Variants in GNG7 observed in about 807,000 individuals in gnomAD.
GNG7 encodes G protein subunit gamma 7.
In GNG7, 1 loss-of-function variant was observed where a neutral mutation model predicts 4.0. The ratio of observed to expected loss-of-function variants is 0.25; its 90% CI spans 0.09 to 1.18. The LOEUF is 1.18. Ranked by LOEUF, GNG7 falls within the 50% of genes most tolerant of loss-of-function variation. The pLI, the probability that GNG7 is intolerant of heterozygous loss-of-function variation, is 0.50. For synonymous variants in GNG7, 34 were observed against 36.9 expected (o/e 0.92, Z 0.29); for missense variants, 86 against 91.9 (o/e 0.94, Z 0.26).
chr19:2,553,577 TCA>T (rs1402516811), intron 3 of GNG7, among the ~76,000 whole-genome samples: 1 of 149,366 alleles, frequency 6.7e-6, no homozygotes, highest in African/African-American at 2.4e-5. Context: ...ATAAATCATA[TCA>T]CATACACGCA....
At chr19:2,607,533 A>C (rs1322874323) in intron 2 of GNG7, among the ~76,000 whole-genome samples, 3 of 145,698 alleles carry the variant, frequency 2.1e-5, no homozygotes, top group Admixed American at 1.4e-4. Context: ...CCATCTCAAA[A>C]AGAAAAAAAA....
At chr19:2,569,422 C>A (rs994253968) in intron 2 of GNG7, among the ~76,000 whole-genome samples, 3 of 152,214 alleles carry the variant, frequency 2.0e-5, no homozygotes, top group African/African-American at 7.2e-5. Flanking sequence ...ACTACAGGCG[C>A]CCGCCACCAC....
At chr19:2,584,127 T>C (rs1023588446) in intron 2 of GNG7, among the ~76,000 whole-genome samples, 6 of 151,914 alleles carry the variant, frequency 3.9e-5, no homozygotes, top group African/African-American at 1.5e-4. Flanking sequence ...CAAAGAATTA[T>C]GGCAACGTAT....
At chr19:2,554,007 ATATT>A (rs1979468151) in intron 3 of GNG7, among the ~76,000 whole-genome samples, 1 of 146,938 alleles carries the variant, frequency 6.8e-6, no homozygotes, top group African/African-American at 2.5e-5. Context: ...ACATATGTAT[ATATT>A]ATATGTATAT....
At chr19:2,671,847 C>G (rs1278246275) in intron 1 of GNG7, among the ~76,000 whole-genome samples, 1 of 151,230 alleles carries the variant, frequency 6.6e-6, no homozygotes, top group South Asian at 2.1e-4. Context: ...GTCAGCAGAT[C>G]GAGACCATCC....
chr19:2,666,669 G>A (rs1983319767), intron 1 of GNG7, among the ~76,000 whole-genome samples: 1 of 152,162 alleles, frequency 6.6e-6, no homozygotes, highest in African/African-American at 2.4e-5. Context: ...GTCTAGGGCA[G>A]GATGTAAAAA....
intron 4 of GNG7, among the ~76,000 whole-genome samples, chr19:2,519,362 G>C (rs996885025): frequency 1.3e-5 from 2 of 151,310 alleles, no homozygotes; most frequent in Non-Finnish European, 2.9e-5. Flanking sequence ...CACCATGTTG[G>C]CCAGGCTGGT....
At position 2,657,400 on chromosome 19, in the gene GNG7, A is replaced by ATATATG. The variant is rs1983025541; in HGVS notation, c.-134-11121_-134-11120insCATATA. ...TATATATATATATATATATATATAT[A>ATATATG]CACATAATAACATTTATCCTAAAAA... On this transcript the variant is annotated intron_variant, in intron 1 of 4. Coordinates refer to ENST00000382159, the MANE Select transcript of GNG7 (RefSeq NM_052847.3). Among the ~76,000 whole-genome samples the ATATATG allele has an allele frequency of 9.8e-5, 9 of 91,702 alleles. 1 individual carries two copies. The highest frequency in any genetic ancestry group is 4.4e-4 in the Admixed American group (4 of 9,146). 60.2% of individuals were successfully genotyped at this position (91,702 alleles called of 152,430 possible).
intron 2 of GNG7, among the ~76,000 whole-genome samples, chr19:2,558,384 A>C (rs1979633710): frequency 6.6e-6 from 1 of 151,038 alleles, no homozygotes; most frequent in South Asian, 2.1e-4. Flanking sequence ...CTACAGCCAC[A>C]TGCCACCACA....
intron 2 of GNG7, among the ~76,000 whole-genome samples, chr19:2,597,849 T>C (rs890656739): frequency 1.3e-5 from 2 of 148,978 alleles, no homozygotes; most frequent in Admixed American, 6.7e-5. Flanking sequence ...TGAGCCGAGA[T>C]TGCGCCACTG....
At chr19:2,696,785 C>T (rs989084877) in intron 1 of GNG7, among the ~76,000 whole-genome samples, 6 of 152,134 alleles carry the variant, frequency 3.9e-5, no homozygotes, top group African/African-American at 1.2e-4. Flanking sequence ...GAGGGAGAGG[C>T]GTGGGTGCCA....
chr19:2,686,006 G>T (rs940978494), intron 1 of GNG7, among the ~76,000 whole-genome samples: 1 of 152,072 alleles, frequency 6.6e-6, no homozygotes, highest in African/African-American at 2.4e-5. Flanking sequence ...AGCCCCCACC[G>T]ATATCCTGCT....
At chr19:2,528,990 GA>G in intron 3 of GNG7, among the ~76,000 whole-genome samples, 1 of 152,208 alleles carries the variant, frequency 6.6e-6, no homozygotes, top group Non-Finnish European at 1.5e-5. Flanking sequence ...CGGAGCTCTT[GA>G]GAAATCTCAC....
At chr19:2,637,977 T>G (rs1982361468) in intron 2 of GNG7, among the ~76,000 whole-genome samples, 1 of 152,126 alleles carries the variant, frequency 6.6e-6, no homozygotes, top group Non-Finnish European at 1.5e-5. Flanking sequence ...AGGAGATGAA[T>G]CCCAGGAGCT....
rs998779905 is a variant in GNG7 at position 2,634,734 on chromosome 19, A to G, written c.-78+11490T>C. On this transcript the variant is annotated intron_variant, in intron 2 of 4. Coordinates refer to ENST00000382159, the MANE Select transcript of GNG7 (RefSeq NM_052847.3). This position sits in a 1 kb window ranked among gnomAD's most constrained non-coding sequence, Gnocchi z 5.3. ...CGCGAAAAGAACTGATAATAACGTG[A>G]ATTTCAACACGACCAGGACATGCTG... 7.2e-5 allele frequency among the ~76,000 whole-genome samples: 11 copies of G among 152,094 alleles called. No homozygotes were observed. Among genetic ancestry groups the G allele is most frequent in the African/African-American group, 2.2e-4 (9 of 41,398 alleles).
chr19:2,624,603 GCTCCAC>G (rs1981969385), intron 2 of GNG7, among the ~76,000 whole-genome samples: 1 of 152,098 alleles, frequency 6.6e-6, no homozygotes, highest in Non-Finnish European at 1.5e-5. Context: ...CTCAGGCAGA[GCTCCAC>G]CTCTGTCTGG....
intron 3 of GNG7, among the ~76,000 whole-genome samples, chr19:2,535,875 C>T (rs1433393053): frequency 6.6e-6 from 1 of 152,076 alleles, no homozygotes; most frequent in Admixed American, 6.6e-5. Flanking sequence ...CTTGGAATTC[C>T]AGTGCTTTGG....
chr19:2,562,977 CT>C (rs1227859912), intron 2 of GNG7, among the ~76,000 whole-genome samples: 1 of 152,024 alleles, frequency 6.6e-6, no homozygotes, highest in Non-Finnish European at 1.5e-5. Context: ...CAGAGTCTCG[CT>C]CTGTCGCCCA....
At chr19:2,529,077 C>T (rs1236720696) in intron 3 of GNG7, among the ~76,000 whole-genome samples, 1 of 152,202 alleles carries the variant, frequency 6.6e-6, no homozygotes. Context: ...ATTGCAACAG[C>T]CCCCCACCGC....
Sources: allele counts gnomAD v4.1 joint callset (sites outside exome capture counted in the v4.1 genomes callset), GRCh38; gene constraint gnomAD v4.1.1; non-coding constraint Gnocchi (gnomAD v3.1); transcripts MANE v1.5; gene names NCBI Gene and HGNC (gene_info 2026-07-23, HGNC 2026-07-21).